TENM4: variants seen among roughly 807,000 people sequenced by gnomAD.
The protein encoded by TENM4 is teneurin-4.
TENM4 carries 82 observed loss-of-function variants against 243.3 expected under a neutral mutation model. The observed-to-expected ratio is 0.34, with a 90% CI of 0.28 to 0.40. The LOEUF is 0.40. Among genes scored for constraint, TENM4 ranks in the 10% least tolerant of loss-of-function variants. TENM4 has a pLI of 1.00. For synonymous variants in TENM4, 1,412 were observed against 1,456.3 expected (o/e 0.97, Z 0.69); for missense variants, 3,138 against 3,673.3 (o/e 0.85, Z 3.77).
intron 3 of TENM4, among the ~76,000 whole-genome samples, chr11:79,162,022 C>T (rs1862757206): frequency 6.6e-6 from 1 of 152,298 alleles, no homozygotes; most frequent in Non-Finnish European, 1.5e-5. Flanking sequence ...CCGGACCTGC[C>T]TCACCCAGTA....
chr11:79,427,283 T>C (rs536917597), intron 1 of TENM4, among the ~76,000 whole-genome samples: 15 of 152,220 alleles, frequency 9.9e-5, no homozygotes, highest in East Asian at 1.9e-4. Context: ...AGTAAAGAAA[T>C]TGGACTGAAG....
rs1469862679 is a variant in TENM4, at chr11:78,654,789, AT to A, written c.*3268del. ...CCTTCCTCCAGTCTGCCCTCCAGCA[AT>A]GTCTGTTTGGGGTGTGGGGGGGTGG... On this transcript the variant is annotated 3_prime_UTR_variant, in exon 34 of 34. Transcript: ENST00000278550. 1 of 140,566 alleles carries A rather than the reference AT, an allele frequency of 7.1e-6. No individual in the cohort carries two copies. Among genetic ancestry groups the A allele is most frequent in the Non-Finnish European group, 1.6e-5 (1 of 64,308 alleles). 8.7% of individuals were successfully genotyped at this position (140,566 alleles called of 1,614,324 possible).
At chr11:78,926,336 G>A (rs140244859) in intron 6 of TENM4, among the ~76,000 whole-genome samples, 1,976 of 150,854 alleles carry the variant, frequency 0.013, 42 homozygotes, top group African/African-American at 0.046. Flanking sequence ...GAGTGCAGTG[G>A]CATGATCTCG....
At chr11:79,202,906 C>G (rs1275221230) in intron 3 of TENM4, among the ~76,000 whole-genome samples, 1 of 152,196 alleles carries the variant, frequency 6.6e-6, no homozygotes, top group African/African-American at 2.4e-5. Flanking sequence ...CAAATGGCAT[C>G]CCACACTGTG....
intron 1 of TENM4, among the ~76,000 whole-genome samples, chr11:79,305,677 G>A (rs557921464): frequency 3.3e-5 from 5 of 152,216 alleles, no homozygotes; most frequent in Non-Finnish European, 2.9e-5. Context: ...TAGCAATGCG[G>A]TCATCCACCA....
At chr11:79,273,670 T>G (rs1278314416) in intron 2 of TENM4, among the ~76,000 whole-genome samples, 1 of 152,204 alleles carries the variant, frequency 6.6e-6, no homozygotes, top group Non-Finnish European at 1.5e-5. Context: ...TGTCATGCAC[T>G]GCCCCACTGC....
At chr11:79,335,506 T>A (rs1307600667) in intron 1 of TENM4, among the ~76,000 whole-genome samples, 3 of 152,226 alleles carry the variant, frequency 2.0e-5, no homozygotes, top group African/African-American at 7.2e-5. Flanking sequence ...TTGTATCAAT[T>A]TTTTTGCATC....
At chr11:78,804,433 G>C (rs1351696193) in intron 15 of TENM4, among the ~76,000 whole-genome samples, 2 of 152,186 alleles carry the variant, frequency 1.3e-5, no homozygotes, top group African/African-American at 4.8e-5. Flanking sequence ...AACATGGATA[G>C]CTGACAGCTT....
intron 2 of TENM4, among the ~76,000 whole-genome samples, chr11:79,264,506 C>A (rs955281617): frequency 8.5e-5 from 13 of 152,152 alleles, no homozygotes; most frequent in African/African-American, 1.2e-4. Context: ...CTGCTCTAAG[C>A]TCTGGGTGTG....
intron 2 of TENM4, among the ~76,000 whole-genome samples, chr11:79,252,269 C>T (rs1271847207): frequency 6.6e-6 from 1 of 152,210 alleles, no homozygotes; most frequent in Admixed American, 6.5e-5. Flanking sequence ...GAGTCTTGCT[C>T]TGTCGCCCAG....
At chr11:78,695,545 T>C (rs917594135) in intron 28 of TENM4, among the ~76,000 whole-genome samples, 2 of 152,086 alleles carry the variant, frequency 1.3e-5, no homozygotes, top group African/African-American at 4.8e-5. Flanking sequence ...GTATTTTTAG[T>C]AGAGGTGGGG....
intron 3 of TENM4, among the ~76,000 whole-genome samples, chr11:79,161,205 G>A (rs555949597): frequency 1.1e-4 from 16 of 152,286 alleles, no homozygotes; most frequent in African/African-American, 3.9e-4. Flanking sequence ...CTCTGTTAAA[G>A]CAGCCACGCC....
At chr11:79,280,586 C>T (rs756441481) in intron 2 of TENM4, among the ~76,000 whole-genome samples, 13 of 152,210 alleles carry the variant, frequency 8.5e-5, no homozygotes, top group South Asian at 2.1e-4. Flanking sequence ...TAATCACCCA[C>T]GCCTGGCCCC....
intron 3 of TENM4, among the ~76,000 whole-genome samples, chr11:79,177,281 C>T (rs1234861364): frequency 6.6e-6 from 1 of 152,138 alleles, no homozygotes; most frequent in Non-Finnish European, 1.5e-5. Flanking sequence ...GTGCACCCAT[C>T]ATCCTTACTT....
intron 6 of TENM4, among the ~76,000 whole-genome samples, chr11:79,018,922 A>T (rs1198995748): frequency 6.6e-6 from 1 of 152,226 alleles, no homozygotes; most frequent in Non-Finnish European, 1.5e-5. Context: ...ACCAGAGAGG[A>T]GAGGAGGCTT....
At chr11:78,795,643 T>G (rs573661822) in intron 15 of TENM4, among the ~76,000 whole-genome samples, 1 of 152,260 alleles carries the variant, frequency 6.6e-6, no homozygotes, top group Admixed American at 6.5e-5. Flanking sequence ...CAAGTCTGCC[T>G]ATGTGTGTAA....
intron 21 of TENM4, among the ~76,000 whole-genome samples, chr11:78,731,946 G>C (rs1855676573): frequency 6.6e-6 from 1 of 152,114 alleles, no homozygotes; most frequent in Non-Finnish European, 1.5e-5. Context: ...CATTCCTCTT[G>C]GTAGAACCAT....
intron 4 of TENM4, among the ~76,000 whole-genome samples, chr11:79,079,285 G>C (rs914712150): frequency 2.6e-5 from 4 of 152,210 alleles, no homozygotes; most frequent in Admixed American, 6.5e-5. Flanking sequence ...AGGTATCAAA[G>C]GGCAGACAGC....
Position 78,655,988 on chromosome 11 carries a change from G to A in TENM4, c.*2070C>T, listed in dbSNP as rs1181809816. The stretch of plus-strand genomic sequence containing the variant: ...GCAATGGGCAACCAGTGGACAAGCA[G>A]GCCAAAGCGCACTGCTGCAGCAGGG... On this transcript the variant is annotated 3_prime_UTR_variant, in exon 34 of 34. Coordinates refer to ENST00000278550, the MANE Select transcript of TENM4 (RefSeq NM_001098816.3). The A allele has an allele frequency of 6.6e-6, 1 of 152,278 alleles. No individual in the cohort carries two copies. Among genetic ancestry groups the A allele is most frequent in the Non-Finnish European group, 1.5e-5 (1 of 68,096 alleles). 9.4% of individuals were successfully genotyped at this position (152,278 alleles called of 1,614,324 possible). A position where few individuals can be genotyped will look rare whatever the true frequency, so the allele number is the denominator to read the frequency against.
Sources: allele counts gnomAD v4.1 joint callset (sites outside exome capture counted in the v4.1 genomes callset), GRCh38; gene constraint gnomAD v4.1.1; transcripts MANE v1.5; gene names NCBI Gene and HGNC (gene_info 2026-07-23, HGNC 2026-07-21).